Variants in EML1 observed in about 807,000 individuals in gnomAD.
The protein encoded by EML1 is EMAP like 1.
In EML1, 27 loss-of-function variants were observed where a neutral mutation model predicts 110.4. The ratio of observed to expected loss-of-function variants is 0.24; its 90% confidence interval spans 0.18 to 0.34. The LOEUF is 0.34. Among genes scored for constraint, EML1 ranks in the 10% least tolerant of loss-of-function variants. The probability of loss-of-function intolerance (pLI) is 1.00; values close to 1 mark genes in which losing one functional copy is unlikely to be tolerated. For synonymous variants in EML1, 344 were observed against 385.8 expected, an observed-to-expected ratio of 0.89 and a Z score of 1.27; for missense variants, 741 against 1,030.9, an observed-to-expected ratio of 0.72 and a Z score of 3.85.
chr14:99,790,865 C>CTTTT (rs763959981), upstream of EML1, among the ~76,000 whole-genome samples: 172 of 138,544 alleles, frequency 1.2e-3, 1 homozygote, highest in Non-Finnish European at 1.9e-3. Flanking sequence ...TTTTTCTTTT[C>CTTTT]CTTTTTTTTT....
Position 99,878,073 on chromosome 14 carries a change from G to A in EML1, c.384-412G>A, listed in dbSNP as rs760856610. 4.6e-5 allele frequency among the ~76,000 whole-genome samples: 7 copies of A among 150,936 alleles called. 1 individual carries two copies. Among genetic ancestry groups the A allele is most frequent in the East Asian group, 3.9e-4 (2 of 5,160 alleles). On this transcript the variant is annotated intron_variant, in intron 3 of 21. Coordinates refer to ENST00000262233, the MANE Select transcript of EML1 (RefSeq NM_004434.3). ...TTGCAATTTTTTTTTTGTTTAATTC[G>A]TCGGCTATCGTTAGCATTAGTATAT...
Position 99,940,085 on chromosome 14 carries a change from A to G in EML1, c.2421A>G (p.Thr807=), listed in dbSNP as rs2060562331. ...TCATCTCCACGGGCGGGAAAGACACAAGCATCATGCAGTGGCGCGTCATTT... is the reference window on the plus strand; with the variant it reads ...TCATCTCCACGGGCGGGAAAGACACGAGCATCATGCAGTGGCGCGTCATTT... ...SHLISTGGKD[T]SIMQWRVI Residue 807 remains threonine (T), a synonymous_variant, in exon 22 of 22, where the codon ACA becomes ACG. Transcript: ENST00000262233. 3.1e-6 allele frequency: 5 copies of G among 1,600,562 alleles called. No homozygotes were observed. The East Asian group carries it at 9.1e-5, about 29-fold the overall frequency.
chr14:99,939,924 T>C lies in EML1; in HGVS notation c.2323-63T>C. On this transcript the variant is annotated intron_variant, in intron 21 of 21. Transcript: ENST00000262233. The surrounding 1 kb of genome is among the most constrained non-coding windows in gnomAD (Gnocchi z 4.2). ...AGGCATGCAGTGAGAATTCAAGCAC[T>C]TTCCCATCCCAGATGGTTCGCCTTG... 2 of 1,465,632 alleles carry C rather than the reference T, an allele frequency of 1.4e-6. No homozygotes were observed. Among genetic ancestry groups the C allele is most frequent in the Non-Finnish European group, 1.8e-6 (2 of 1,104,540 alleles). 90.8% of individuals were successfully genotyped at this position (1,465,632 alleles called of 1,614,324 possible).
chr14:99,794,872 A>G (rs897896093), intron 1 of EML1, among the ~76,000 whole-genome samples: 5 of 152,228 alleles, frequency 3.3e-5, no homozygotes, highest in Admixed American at 3.3e-4. Context: ...ACTTTATAGT[A>G]TAGAGTCATG....
At chr14:99,802,712 C>T (rs1170107125) in intron 1 of EML1, among the ~76,000 whole-genome samples, 1 of 151,986 alleles carries the variant, frequency 6.6e-6, no homozygotes, top group East Asian at 1.9e-4. Context: ...GGGATACAAG[C>T]TGAGGTGCTG....
At chr14:99,885,501 A>G (rs760742190) in intron 4 of EML1, among the ~76,000 whole-genome samples, 5 of 152,252 alleles carry the variant, frequency 3.3e-5, no homozygotes, top group Non-Finnish European at 5.9e-5. Flanking sequence ...CCATGACTGC[A>G]TTTCATTTGA....
chr14:99,909,441 G>A lies in EML1; in HGVS notation c.1201G>A (p.Glu401Lys). Residue 401 changes from glutamate (E) to lysine (K), a missense_variant, in exon 11 of 22, where the codon GAA becomes AAA. Physicochemically the swap from Glu to Lys is moderately conservative, Grantham distance 56. Transcript: ENST00000262233. ...GKSHLYFWTL[E>K]GSSLNKKQGL... ...ATCACATCTCTACTTTTGGACACTAGAAGGAAGCTCCCTTAATAAGAAGCA... is the reference window on the plus strand; with the variant it reads ...ATCACATCTCTACTTTTGGACACTAAAAGGAAGCTCCCTTAATAAGAAGCA... 6.2e-7 allele frequency: 1 copy of A among 1,614,160 alleles called. No individual in the cohort carries two copies.
rs779537446 is a variant in EML1, at chr14:99,905,728, A to G, written c.1009-1910A>G. On this transcript the variant is annotated intron_variant, in intron 9 of 21. Transcript: ENST00000262233. The surrounding 1 kb of genome is among the most constrained non-coding windows in gnomAD (Gnocchi z 4.1). ...GTCCCATAGTGCCAAGCCTGTTCTT[A>G]GCTGAAAAGGACTTTACTGAGAGGG... Among the ~76,000 whole-genome samples the G allele has an allele frequency of 2.6e-5, 4 of 152,196 alleles. No homozygotes were observed. Among genetic ancestry groups the G allele is most frequent in the Non-Finnish European group, 4.4e-5 (3 of 68,026 alleles).
At chr14:99,830,157 T>C (rs2058424818) in intron 1 of EML1, among the ~76,000 whole-genome samples, 1 of 152,252 alleles carries the variant, frequency 6.6e-6, no homozygotes, top group African/African-American at 2.4e-5. Context: ...CCAATGCTTG[T>C]TATTTTCATT....
intron 1 of EML1, among the ~76,000 whole-genome samples, chr14:99,810,688 G>GGAA (rs1238098230): frequency 1.3e-5 from 2 of 152,152 alleles, no homozygotes; most frequent in Non-Finnish European, 2.9e-5. Context: ...GCCATAAAGT[G>GGAA]GGATTCCTTC....
At chr14:99,914,057 A>G in intron 13 of EML1, 122 bp from the exon 14 acceptor site, 1 of 1,175,870 alleles carries the variant, frequency 8.5e-7, no homozygotes, top group South Asian at 1.6e-5. Context: ...AACGTACATT[A>G]TATACATATG....
chr14:99,762,589 A>G (rs1013969810), intron 1 of EML1, among the ~76,000 whole-genome samples: 7 of 152,206 alleles, frequency 4.6e-5, no homozygotes, highest in Non-Finnish European at 2.9e-5. Context: ...CTTGAGCCCA[A>G]GAGTTCAAAA....
chr14:99,898,240 G>A lies in EML1; in HGVS notation c.835G>A (p.Val279Ile), dbSNP rs1464489295. ...GHNDDVKCLA[V>I]HPDRITIATG... Reference sequence around the variant, plus strand: ...TAAATATCCTTTTCTTAGCCTAGCAGTTCATCCTGATCGGATCACGATAGC... The same window carrying A: ...TAAATATCCTTTTCTTAGCCTAGCAATTCATCCTGATCGGATCACGATAGC... Residue 279 changes from valine (V) to isoleucine (I), a missense_variant, in exon 8 of 22, where the codon GTT (valine) becomes ATT (isoleucine). Coordinates refer to ENST00000262233, the MANE Select transcript of EML1 (RefSeq NM_004434.3). 6.2e-7 allele frequency: 1 copy of A among 1,604,064 alleles called. No homozygotes were observed. The highest frequency in any genetic ancestry group is 8.5e-7 in the Non-Finnish European group (1 of 1,173,836).
intron 1 of EML1, among the ~76,000 whole-genome samples, chr14:99,803,259 A>G (rs2057915107): frequency 6.6e-6 from 1 of 152,230 alleles, no homozygotes. Flanking sequence ...GCACCATGCC[A>G]CACATGTGAC....
chr14:99,739,719 AG>A (rs1375714800), intron 1 of EML1, among the ~76,000 whole-genome samples: 1 of 152,210 alleles, frequency 6.6e-6, no homozygotes, highest in Non-Finnish European at 1.5e-5. Context: ...TGGTGCAGGA[AG>A]GTATATTTAC....
intron 1 of EML1, among the ~76,000 whole-genome samples, chr14:99,745,927 C>A (rs79265307): frequency 0.02 from 3,075 of 152,290 alleles, 110 homozygotes; most frequent in African/African-American, 0.07. Flanking sequence ...TTCAGCCAGC[C>A]TTGGGTCTCC....
At position 99,937,842 on chromosome 14, in the gene EML1, C is replaced by G. The variant is rs550900905; in HGVS notation, c.2121C>G (p.Val707=). 1 of 1,613,886 alleles carries G rather than the reference C, an allele frequency of 6.2e-7. No individual in the cohort carries two copies. The highest frequency in any genetic ancestry group is 8.5e-7 in the Non-Finnish European group (1 of 1,179,964). ...LYWVPSACKQ[V]VSVETTRDIE... Reference sequence around the variant, plus strand: ...GGGTTCCCTCTGCCTGTAAGCAAGTCGTAAGTGTGGAAACTACAAGAGACA... The same window carrying G: ...GGGTTCCCTCTGCCTGTAAGCAAGTGGTAAGTGTGGAAACTACAAGAGACA... The change falls in exon 20 of 22, where the codon GTC becomes GTG. Residue 707 remains valine (V), a synonymous_variant. Coordinates refer to ENST00000262233, the MANE Select transcript of EML1 (RefSeq NM_004434.3).
chr14:99,801,969 A>AGC (rs2057889368), intron 1 of EML1, among the ~76,000 whole-genome samples: 1 of 152,200 alleles, frequency 6.6e-6, no homozygotes, highest in Non-Finnish European at 1.5e-5. Flanking sequence ...ATCCAGTGTT[A>AGC]TTTTCACACT....
intron 1 of EML1, among the ~76,000 whole-genome samples, chr14:99,740,402 A>G (rs1385700897): frequency 6.6e-6 from 1 of 152,170 alleles, no homozygotes; most frequent in East Asian, 1.9e-4. Context: ...CTTGCACCTG[A>G]AGAAGCAGCT....
Sources: gnomAD v4.1 joint callset for allele counts (sites outside exome capture counted in the v4.1 genomes callset) on GRCh38, gnomAD v4.1.1 for gene constraint, Gnocchi (gnomAD v3.1) non-coding constraint, MANE v1.5 for transcripts, NCBI Gene and HGNC (gene_info 2026-07-23, HGNC 2026-07-21) for gene names.